The following GSG1L variants were observed in gnomAD, a reference collection of about 807,000 sequenced individuals.
The protein encoded by GSG1L is germ cell-specific gene 1-like protein.
A neutral mutation model predicts 42.1 loss-of-function variants in GSG1L; 24 were observed. That is an observed-to-expected ratio of 0.57 (90% CI 0.41 to 0.80). The LOEUF (loss-of-function observed/expected upper bound fraction) is 0.80. Among genes scored for constraint, GSG1L ranks in the 30% least tolerant of loss-of-function variants. The pLI is 0.00. For missense variants in GSG1L, 445 were observed against 472.2 expected (o/e 0.94, Z 0.53); for synonymous variants, 215 against 203.5 (o/e 1.06, Z -0.48).
intron 2 of GSG1L, among the ~76,000 whole-genome samples, chr16:27,897,793 T>C (rs2084208903): frequency 6.6e-6 from 1 of 152,124 alleles, no homozygotes; most frequent in South Asian, 2.1e-4. Flanking sequence ...GGCCTTTTCC[T>C]AACCTCTCTG....
chr16:27,976,206 T>C (rs1596667506), intron 1 of GSG1L, among the ~76,000 whole-genome samples: 2 of 151,988 alleles, frequency 1.3e-5, no homozygotes, highest in African/African-American at 4.8e-5. Context: ...ACCCAGGAGG[T>C]GGAGGTTGCA....
At chr16:27,976,375 G>A (rs951403775) in intron 1 of GSG1L, among the ~76,000 whole-genome samples, 4 of 152,170 alleles carry the variant, frequency 2.6e-5, no homozygotes, top group African/African-American at 7.2e-5. Flanking sequence ...TGTCTTGTTC[G>A]CTGTTGTGTC....
At chr16:27,791,564 T>A in intron 6 of GSG1L, 97 bp from the exon 7 acceptor site, 1 of 709,872 alleles carries the variant, frequency 1.4e-6, no homozygotes, top group Non-Finnish European at 2.1e-6. Context: ...TCACTCACCC[T>A]CATTTACTAG....
At chr16:28,046,436 C>A (rs2086159485) in intron 1 of GSG1L, among the ~76,000 whole-genome samples, 1 of 150,338 alleles carries the variant, frequency 6.7e-6, no homozygotes, top group South Asian at 2.1e-4. Flanking sequence ...TCACTGCAAG[C>A]TCCGCCTCCC....
At chr16:27,967,490 C>A (rs2085148561) in intron 1 of GSG1L, among the ~76,000 whole-genome samples, 1 of 152,226 alleles carries the variant, frequency 6.6e-6, no homozygotes, top group African/African-American at 2.4e-5. Flanking sequence ...AGGACTCACA[C>A]CTTCCATTAC....
In GSG1L at chr16:28,005,810, T is replaced by C. The variant is rs377708681; in HGVS notation, c.350-42607A>G. ...ATAAGTATTAATTACATTGTCATTG[T>C]TTTGTTATTATTGGGTGCATTTCGG... On this transcript the variant is annotated intron_variant, in intron 1 of 6. Transcript: ENST00000447459. Among the ~76,000 whole-genome samples the C allele has an allele frequency of 4.6e-5, 7 of 152,306 alleles. No individual in the cohort carries two copies. In the East Asian group the frequency reaches 1.3e-3, roughly 29 times the overall value.
At chr16:27,813,584 CTAT>C (rs1238078934) in intron 5 of GSG1L, among the ~76,000 whole-genome samples, 1 of 152,234 alleles carries the variant, frequency 6.6e-6, no homozygotes, top group Non-Finnish European at 1.5e-5. Context: ...GCCCATCTTT[CTAT>C]GACGCAGTGT....
At chr16:27,844,420 G>C (rs1385466889) in intron 4 of GSG1L, among the ~76,000 whole-genome samples, 1 of 151,932 alleles carries the variant, frequency 6.6e-6, no homozygotes, top group African/African-American at 2.4e-5. Context: ...CTAACTTCAG[G>C]TCTTGCCAGC....
intron 3 of GSG1L, among the ~76,000 whole-genome samples, chr16:27,876,486 G>A (rs888674105): frequency 6.6e-6 from 1 of 152,196 alleles, no homozygotes; most frequent in Non-Finnish European, 1.5e-5. Context: ...CTCAGTGAGC[G>A]CATGGCTCAC....
intron 2 of GSG1L, among the ~76,000 whole-genome samples, chr16:27,894,871 C>T (rs951430348): frequency 6.6e-6 from 1 of 152,100 alleles, no homozygotes; most frequent in African/African-American, 2.4e-5. Flanking sequence ...CAGGCTATTT[C>T]CTGTTGTGTG....
intron 3 of GSG1L, among the ~76,000 whole-genome samples, chr16:27,849,204 A>C (rs1254956790): frequency 1.1e-4 from 10 of 93,376 alleles, no homozygotes; most frequent in African/African-American, 4.7e-4. Flanking sequence ...TCCCAAAAAG[A>C]AAAAAAAAAA....
intron 1 of GSG1L, among the ~76,000 whole-genome samples, chr16:28,035,779 C>G (rs1664127173): frequency 6.6e-6 from 1 of 152,156 alleles, no homozygotes; most frequent in East Asian, 1.9e-4. Flanking sequence ...CTCCTACCAC[C>G]CCAGGGAGAG....
chr16:27,928,354 G>C (rs903583413), intron 2 of GSG1L, among the ~76,000 whole-genome samples: 3 of 152,124 alleles, frequency 2.0e-5, no homozygotes, highest in African/African-American at 7.2e-5. Flanking sequence ...ACTCTGCCCA[G>C]CTCCTCAGGA....
At chr16:27,843,855 T>C (rs1358895745) in intron 4 of GSG1L, among the ~76,000 whole-genome samples, 1 of 152,192 alleles carries the variant, frequency 6.6e-6, no homozygotes, top group African/African-American at 2.4e-5. Context: ...AGAGAGAATA[T>C]GACCTAAGCC....
intron 4 of GSG1L, among the ~76,000 whole-genome samples, chr16:27,842,767 G>T (rs1269943957): frequency 1.3e-5 from 2 of 152,144 alleles, no homozygotes; most frequent in Non-Finnish European, 2.9e-5. Context: ...GAGCTGGGGT[G>T]CCCACTGAAC....
intron 3 of GSG1L, among the ~76,000 whole-genome samples, chr16:27,880,076 G>C (rs1159769592): frequency 6.6e-6 from 1 of 152,094 alleles, no homozygotes; most frequent in East Asian, 1.9e-4. Context: ...CTCTGCCCAA[G>C]CCTGCCTGCC....
At chr16:27,993,588 A>G (rs7194733) in intron 1 of GSG1L, among the ~76,000 whole-genome samples, 34,134 of 152,170 alleles carry the variant, frequency 0.22, 4,089 homozygotes, top group South Asian at 0.35. Flanking sequence ...AGCCTCGAAA[A>G]AAGCCCCTGT....
chr16:27,809,590 AAC>A (rs1418249939), intron 5 of GSG1L, among the ~76,000 whole-genome samples: 16 of 146,490 alleles, frequency 1.1e-4, no homozygotes, highest in South Asian at 1.1e-3. Context: ...AAAAAAAAAA[AAC>A]CAATCATTAT....
rs147038931 is a variant in GSG1L at position 27,909,531 on chromosome 16, C to T, written c.398-24893G>A. On this transcript the variant is annotated intron_variant, in intron 2 of 6. Transcript: ENST00000447459. ...CCTCTCAAAGTGTTGGGATTACAGG[C>T]GTGAGCCACCACTGACCTGGCCCCA... 4.4e-3 allele frequency among the ~76,000 whole-genome samples: 660 copies of T among 150,552 alleles called. 7 individuals are homozygous for T. The highest frequency in any genetic ancestry group is 0.014 in the African/African-American group (563 of 41,080).
Sources: gnomAD v4.1 joint callset for allele counts (sites outside exome capture counted in the v4.1 genomes callset) on GRCh38, gnomAD v4.1.1 for gene constraint, MANE v1.5 for transcripts, NCBI Gene and HGNC (gene_info 2026-07-23, HGNC 2026-07-21) for gene names.